Variants in ZMAT4 observed in about 807,000 individuals in gnomAD.
The protein encoded by ZMAT4 is zinc finger matrin-type 4.
A neutral mutation model predicts 28.7 loss-of-function variants in ZMAT4; 17 were observed. The observed-to-expected ratio is 0.59, with a 90% confidence interval of 0.41 to 0.89. The LOEUF (loss-of-function observed/expected upper bound fraction) is 0.89, where lower values mean the gene tolerates loss of function less well. ZMAT4 is among the 40% of genes least tolerant of loss of function. The pLI is 0.00. For missense variants in ZMAT4, 240 were observed against 283.8 expected (o/e 0.85, Z 1.11); for synonymous variants, 117 against 109.2 (o/e 1.07, Z -0.44).
chr8:40,799,159 A>C lies in ZMAT4; in HGVS notation c.102+26416T>G, dbSNP rs369791611. Among the ~76,000 whole-genome samples, 294 of 92,360 alleles carry C rather than the reference A, an allele frequency of 3.2e-3. 3 individuals carry two copies. The highest frequency in any genetic ancestry group is 0.02 in the South Asian group (53 of 2,622). The allele number at this position is 92,360 out of a possible 152,430, so 60.6% of individuals were successfully genotyped here. On this transcript the variant is annotated intron_variant, in intron 2 of 6. Transcript: ENST00000297737. ...GATAGATGGCTGGCTGGCTGGCTGG[A>C]TGGATGGATGAATAGAGAGAGAGAG... is the stretch of plus-strand genomic sequence containing the variant.
At chr8:40,864,406 T>C (rs1817605454) in intron 1 of ZMAT4, among the ~76,000 whole-genome samples, 1 of 152,214 alleles carries the variant, frequency 6.6e-6, no homozygotes, top group South Asian at 2.1e-4. Flanking sequence ...GGGTCTCTAA[T>C]GCTGGGGTGT....
At chr8:40,645,473 A>G (rs896780003) in intron 5 of ZMAT4, among the ~76,000 whole-genome samples, 1 of 152,200 alleles carries the variant, frequency 6.6e-6, no homozygotes, top group Admixed American at 6.5e-5. Context: ...CACAGAAAAT[A>G]TAGGTCCATT....
intron 2 of ZMAT4, chr8:40,808,372 CT>C: frequency 3.3e-6 from 1 of 304,414 alleles, no homozygotes; most frequent in East Asian, 8.9e-5. Flanking sequence ...GAAAATGCAG[CT>C]TAAGGGTGAA....
intron 3 of ZMAT4, among the ~76,000 whole-genome samples, chr8:40,739,507 G>T (rs1242220714): frequency 4.5e-4 from 68 of 152,306 alleles, no homozygotes; most frequent in African/African-American, 1.6e-3. Flanking sequence ...ATTTGGGATT[G>T]TAAAAGGTAA....
chr8:40,584,004 T>C (rs1028594831), intron 5 of ZMAT4, among the ~76,000 whole-genome samples: 8 of 152,216 alleles, frequency 5.3e-5, no homozygotes, highest in African/African-American at 1.7e-4. Flanking sequence ...AGGAATTTCC[T>C]TGAAGGCAAA....
chr8:40,620,305 G>A (rs1279523537), intron 5 of ZMAT4, among the ~76,000 whole-genome samples: 1 of 152,200 alleles, frequency 6.6e-6, no homozygotes, highest in Non-Finnish European at 1.5e-5. Flanking sequence ...AGTTGATGCT[G>A]GAGCAAAGGT....
intron 1 of ZMAT4, among the ~76,000 whole-genome samples, chr8:40,846,888 C>T (rs926976289): frequency 1.3e-5 from 2 of 152,146 alleles, no homozygotes; most frequent in Non-Finnish European, 2.9e-5. Context: ...TAAACACACA[C>T]ACCCTTCCCA....
intron 6 of ZMAT4, among the ~76,000 whole-genome samples, chr8:40,563,332 G>T (rs10093578): frequency 1.3e-5 from 2 of 151,978 alleles, no homozygotes; most frequent in African/African-American, 4.8e-5. Context: ...GATTATTTTC[G>T]TCTATTAATT....
At chr8:40,593,887 T>C (rs1333966047) in intron 5 of ZMAT4, among the ~76,000 whole-genome samples, 1 of 152,188 alleles carries the variant, frequency 6.6e-6, no homozygotes, top group Non-Finnish European at 1.5e-5. Flanking sequence ...TGGAGACACA[T>C]CGCTTACAGC....
intron 5 of ZMAT4, among the ~76,000 whole-genome samples, chr8:40,629,510 C>T (rs543191454): frequency 1.3e-4 from 19 of 151,556 alleles, no homozygotes; most frequent in Admixed American, 1.3e-3. Flanking sequence ...CACCCATTAA[C>T]TCGTCATTTA....
chr8:40,596,095 AAAAAC>A (rs914909202), intron 5 of ZMAT4, among the ~76,000 whole-genome samples: 1 of 152,136 alleles, frequency 6.6e-6, no homozygotes, highest in African/African-American at 2.4e-5. Flanking sequence ...TCTGTCTCAA[AAAAAC>A]AAAACAAAAC....
intron 5 of ZMAT4, among the ~76,000 whole-genome samples, chr8:40,673,245 T>G (rs1808758635): frequency 6.6e-6 from 1 of 152,196 alleles, no homozygotes; most frequent in Non-Finnish European, 1.5e-5. Context: ...GTATATTCCC[T>G]TGGTGAGATC....
chr8:40,559,536 C>T (rs947473160), intron 6 of ZMAT4, among the ~76,000 whole-genome samples: 1 of 152,164 alleles, frequency 6.6e-6, no homozygotes, highest in Non-Finnish European at 1.5e-5. Flanking sequence ...CCTCCCTCCC[C>T]TCCTGTGAAC....
intron 5 of ZMAT4, among the ~76,000 whole-genome samples, chr8:40,592,907 G>GT (rs1804945257): frequency 6.6e-6 from 1 of 152,266 alleles, no homozygotes; most frequent in Non-Finnish European, 1.5e-5. Context: ...GAATTAAGCT[G>GT]TTTTTTTGTT....
chr8:40,718,157 C>G (rs958521852), intron 3 of ZMAT4, among the ~76,000 whole-genome samples: 1 of 152,214 alleles, frequency 6.6e-6, no homozygotes, highest in African/African-American at 2.4e-5. Flanking sequence ...TAGATAGCCA[C>G]TTATAAATAG....
At chr8:40,628,518 G>T (rs555136087) in intron 5 of ZMAT4, among the ~76,000 whole-genome samples, 1 of 152,084 alleles carries the variant, frequency 6.6e-6, no homozygotes, top group South Asian at 2.1e-4. Context: ...AGGAAGCCTC[G>T]GCCCTCCCAT....
chr8:40,803,614 T>C lies in ZMAT4; in HGVS notation c.102+21961A>G, dbSNP rs768073363. Among the ~76,000 whole-genome samples the C allele has an allele frequency of 2.4e-4, 36 of 152,176 alleles. 1 individual carries two copies. The highest frequency in any genetic ancestry group is 5.0e-4 in the Non-Finnish European group (34 of 68,034). On this transcript the variant is annotated intron_variant, in intron 2 of 6. Transcript: ENST00000297737. ...ATTGGATGTGGAGCATCAGGAGCTC[T>C]CATCATTGCTGGTGGAGATGTAAAA...
chr8:40,716,318 G>C (rs868857333), intron 3 of ZMAT4, among the ~76,000 whole-genome samples: 5 of 152,198 alleles, frequency 3.3e-5, no homozygotes, highest in African/African-American at 1.2e-4. Context: ...CCCTCGGAGA[G>C]AGTCAGCCCC....
intron 3 of ZMAT4, among the ~76,000 whole-genome samples, chr8:40,735,962 T>A (rs1283039748): frequency 6.6e-6 from 1 of 152,116 alleles, no homozygotes; most frequent in Non-Finnish European, 1.5e-5. Context: ...ATCTTTCAAA[T>A]TCAGTCTTCT....
Sources: allele counts gnomAD v4.1 joint callset (sites outside exome capture counted in the v4.1 genomes callset), GRCh38; gene constraint gnomAD v4.1.1; transcripts MANE v1.5; gene names NCBI Gene and HGNC (gene_info 2026-07-23, HGNC 2026-07-21).